The following VAV3 variants were observed in gnomAD, a reference collection of about 807,000 sequenced individuals.
VAV3 encodes the protein guanine nucleotide exchange factor VAV3.
VAV3 carries 94 observed loss-of-function variants against 131.2 expected under a neutral mutation model. The observed-to-expected ratio is 0.72, with a 90% CI of 0.61 to 0.85. VAV3 has a LOEUF of 0.85. Among genes scored for constraint, VAV3 ranks in the 40% least tolerant of loss-of-function variants. VAV3 has a pLI of 0.00. For synonymous variants in VAV3, 349 were observed against 342.0 expected (o/e 1.02, Z -0.22); for missense variants, 939 against 1,002.7 (o/e 0.94, Z 0.86).
intron 2 of VAV3, among the ~76,000 whole-genome samples, chr1:107,852,973 T>C (rs932340326): frequency 5.9e-5 from 9 of 152,164 alleles, no homozygotes; most frequent in East Asian, 1.9e-4. Flanking sequence ...GCCTATCTAA[T>C]AGACAAAAAT....
chr1:107,755,982 C>T (rs1664080432), intron 11 of VAV3, among the ~76,000 whole-genome samples: 1 of 152,080 alleles, frequency 6.6e-6, no homozygotes, highest in South Asian at 2.1e-4. Context: ...ATCGGCTAGT[C>T]TTCTTGGTTC....
intron 7 of VAV3, among the ~76,000 whole-genome samples, chr1:107,767,556 C>A (rs1664803116): frequency 6.6e-6 from 1 of 152,172 alleles, no homozygotes; most frequent in Non-Finnish European, 1.5e-5. Context: ...CCTCATTCGG[C>A]CAAAATCAGG....
chr1:107,883,731 T>C (rs1418141930), intron 1 of VAV3, among the ~76,000 whole-genome samples: 1 of 152,154 alleles, frequency 6.6e-6, no homozygotes, highest in African/African-American at 2.4e-5. Flanking sequence ...TCAGGGGCCC[T>C]TGGCCAGCAG....
At chr1:107,703,731 C>T (rs1660274318) in intron 17 of VAV3, among the ~76,000 whole-genome samples, 2 of 152,174 alleles carry the variant, frequency 1.3e-5, no homozygotes. Context: ...CAAAGGTTGA[C>T]ATGGCTACCT....
chr1:107,777,249 C>G lies in VAV3; in HGVS notation c.428G>C (p.Gly143Ala). 6.2e-7 allele frequency: 1 copy of G among 1,614,000 alleles called. No individual in the cohort carries two copies. Among genetic ancestry groups the G allele is most frequent in the Non-Finnish European group, 8.5e-7 (1 of 1,179,958 alleles). ...AACATACTCTATTAAATCAGGAAGG[C>G]CTTTGTAGATGTCTTCATCATTAAT... ...ESINDEDIYK[G>A]LPDLIDETLV... Residue 143 changes from glycine (G) to alanine (A), a missense_variant, in exon 4 of 27, where the codon GGC (glycine) becomes GCC (alanine). Physicochemically the swap from Gly to Ala is moderately conservative, Grantham distance 60. Coordinates refer to ENST00000370056, the MANE Select transcript of VAV3 (RefSeq NM_006113.5).
At chr1:107,835,410 G>C (rs948351990) in intron 2 of VAV3, among the ~76,000 whole-genome samples, 1 of 152,160 alleles carries the variant, frequency 6.6e-6, no homozygotes, top group Non-Finnish European at 1.5e-5. Context: ...ATCTATGGCT[G>C]GTCCTCAAGC....
intron 1 of VAV3, among the ~76,000 whole-genome samples, chr1:107,922,921 C>T (rs1434033161): frequency 6.8e-6 from 1 of 147,450 alleles, no homozygotes; most frequent in Non-Finnish European, 1.5e-5. Context: ...CACTGCACTC[C>T]AGCCTGGGCG....
intron 2 of VAV3, among the ~76,000 whole-genome samples, chr1:107,802,404 G>C (rs1210396379): frequency 6.6e-6 from 1 of 151,690 alleles, no homozygotes; most frequent in African/African-American, 2.4e-5. Context: ...AATAAAAATG[G>C]GCATCTCTTT....
intron 11 of VAV3, among the ~76,000 whole-genome samples, chr1:107,756,484 A>G (rs1664105048): frequency 6.6e-6 from 1 of 152,172 alleles, no homozygotes. Context: ...GTGGTAGACA[A>G]TCAGCCAAAC....
At chr1:107,685,511 G>A (rs1038558434) in intron 18 of VAV3, among the ~76,000 whole-genome samples, 1 of 152,082 alleles carries the variant, frequency 6.6e-6, no homozygotes, top group African/African-American at 2.4e-5. Flanking sequence ...CTCTTTTGGT[G>A]CCTTACTACT....
chr1:107,625,254 C>CTTTT (rs11331254), intron 20 of VAV3, among the ~76,000 whole-genome samples: 1 of 124,356 alleles, frequency 8.0e-6, no homozygotes, highest in Non-Finnish European at 1.8e-5. Flanking sequence ...GTAATTTAAT[C>CTTTT]TTTTTTTTTT....
chr1:107,830,366 C>T (rs886686732), intron 2 of VAV3, among the ~76,000 whole-genome samples: 5 of 151,962 alleles, frequency 3.3e-5, no homozygotes, highest in Admixed American at 1.3e-4. Context: ...CCAAGATCAG[C>T]CAATTTGTTT....
chr1:107,760,690 C>T (rs1190365659), intron 10 of VAV3, 94 bp downstream of exon 10: 2 of 941,706 alleles, frequency 2.1e-6, no homozygotes, highest in East Asian at 5.2e-5. Context: ...GGATTGGGCC[C>T]AACACATGGA....
intron 15 of VAV3, among the ~76,000 whole-genome samples, chr1:107,739,098 G>A (rs7519428): frequency 0.14 from 21,614 of 152,074 alleles, 1,719 homozygotes; most frequent in South Asian, 0.26. Context: ...TGGAAATTTC[G>A]ATATCATCCT....
At chr1:107,824,197 T>C (rs1050431493) in intron 2 of VAV3, among the ~76,000 whole-genome samples, 4 of 152,134 alleles carry the variant, frequency 2.6e-5, no homozygotes, top group East Asian at 3.8e-4. Flanking sequence ...AATGTGGTGA[T>C]GGGAACAAAT....
chr1:107,932,774 A>G (rs1453204630), intron 1 of VAV3, among the ~76,000 whole-genome samples: 1 of 152,200 alleles, frequency 6.6e-6, no homozygotes, highest in Non-Finnish European at 1.5e-5. Flanking sequence ...CATTACAGTG[A>G]TGTGATTTGA....
At chr1:107,724,866 C>T (rs1418191169) in intron 15 of VAV3, among the ~76,000 whole-genome samples, 3 of 124,340 alleles carry the variant, frequency 2.4e-5, no homozygotes, top group Admixed American at 1.8e-4. Flanking sequence ...TGAGCACAGG[C>T]CAGATAGTAA....
intron 2 of VAV3, among the ~76,000 whole-genome samples, chr1:107,852,961 T>C (rs1430490459): frequency 6.6e-6 from 1 of 152,132 alleles, no homozygotes; most frequent in African/African-American, 2.4e-5. Flanking sequence ...AAGAAAAGAT[T>C]TGCCTATCTA....
intron 2 of VAV3, among the ~76,000 whole-genome samples, chr1:107,814,661 T>C (rs555239568): frequency 8.5e-5 from 13 of 152,356 alleles, no homozygotes; most frequent in African/African-American, 3.1e-4. Flanking sequence ...TTTTGATTTG[T>C]TGCCTGTGCT....
Sources: gnomAD v4.1 joint callset for allele counts (sites outside exome capture counted in the v4.1 genomes callset) on GRCh38, gnomAD v4.1.1 for gene constraint, MANE v1.5 for transcripts, NCBI Gene and HGNC (gene_info 2026-07-23, HGNC 2026-07-21) for gene names.